Variants in SDR16C5 observed in about 807,000 individuals in gnomAD.
The protein encoded by SDR16C5 is epidermal retinol dehydrogenase 2.
Under a neutral mutation model 27.7 loss-of-function variants are expected in SDR16C5, and 20 were observed. That is an observed-to-expected ratio of 0.72 (90% confidence interval 0.51 to 1.05). SDR16C5 has a LOEUF of 1.05. Ranked by LOEUF, SDR16C5 falls within the 50% of genes least tolerant of loss-of-function variation. The pLI, the probability that SDR16C5 is intolerant of heterozygous loss-of-function variation, is 0.00. For missense variants in SDR16C5, 374 were observed against 366.3 expected (o/e 1.02, Z -0.17); for synonymous variants, 139 against 132.3 (o/e 1.05, Z -0.35).
At chr8:56,308,851 T>C (rs1814952425) in intron 4 of SDR16C5, 77 bp downstream of exon 4, 1 of 967,920 alleles carries the variant, frequency 1.0e-6, no homozygotes, top group Admixed American at 2.0e-5. Flanking sequence ...ATCAAGTCAG[T>C]GCTAATTATT....
At chr8:56,317,784 T>C (rs1362398661) in intron 1 of SDR16C5, among the ~76,000 whole-genome samples, 1 of 152,184 alleles carries the variant, frequency 6.6e-6, no homozygotes, top group Non-Finnish European at 1.5e-5. Flanking sequence ...ATGTGACTTG[T>C]TCAGGGTCCC....
chr8:56,308,577 G>C (rs1180059052), intron 4 of SDR16C5, among the ~76,000 whole-genome samples: 2 of 152,224 alleles, frequency 1.3e-5, no homozygotes, highest in Non-Finnish European at 2.9e-5. Flanking sequence ...AACTTCAGGA[G>C]AAGACAGGGT....
At chr8:56,303,856 C>T in intron 6 of SDR16C5, 1 of 656,464 alleles carries the variant, frequency 1.5e-6, no homozygotes, top group Non-Finnish European at 2.8e-6. Context: ...GAATGCACAC[C>T]CTGCCCAATA....
At position 56,306,716 on chromosome 8, in the gene SDR16C5, AG is replaced by A; in HGVS notation, c.669del (p.Phe225LeufsTer2). ...QKGIKTTIVC[P>X]FFIKTGMFEG... ...TCAAACATTCCAGTTTTTATAAAAA[AG>A]GGGCACACAATCGTGGTTTTGATCC... is the stretch of plus-strand genomic sequence containing the variant. On this transcript the variant is annotated frameshift_variant, in exon 5 of 7. Coordinates refer to ENST00000303749, the MANE Select transcript of SDR16C5 (RefSeq NM_138969.4). LOFTEE classifies it high-confidence loss of function. The A allele has an allele frequency of 6.2e-7, 1 of 1,613,652 alleles. No individual in the cohort carries two copies. Among genetic ancestry groups the A allele is most frequent in the Admixed American group, 1.7e-5 (1 of 59,946 alleles).
At chr8:56,308,757 T>A (rs955593550) in intron 4 of SDR16C5, among the ~76,000 whole-genome samples, 171 bp downstream of exon 4, 2 of 152,250 alleles carry the variant, frequency 1.3e-5, no homozygotes, top group Non-Finnish European at 1.5e-5. Flanking sequence ...TGTAAGTCTA[T>A]CTGATGGGCA....
intron 2 of SDR16C5, among the ~76,000 whole-genome samples, chr8:56,314,439 G>C (rs1434747337): frequency 1.3e-5 from 2 of 152,214 alleles, no homozygotes; most frequent in Admixed American, 1.3e-4. Flanking sequence ...AGGGAAAAGG[G>C]AAGTAATTAT....
intron 1 of SDR16C5, among the ~76,000 whole-genome samples, chr8:56,319,123 A>AG (rs1008115266): frequency 1.3e-4 from 7 of 54,112 alleles, no homozygotes; most frequent in African/African-American, 5.5e-4. Context: ...CGAACAAATT[A>AG]GAAAAAAAAA....
chr8:56,304,103 G>A (rs1205549772), intron 6 of SDR16C5: 1 of 701,962 alleles, frequency 1.4e-6, no homozygotes, highest in East Asian at 2.7e-5. Context: ...ATGATAGTAT[G>A]CAAGAATGAC....
At chr8:56,308,060 A>T (rs1468297942) in intron 4 of SDR16C5, among the ~76,000 whole-genome samples, 1 of 152,180 alleles carries the variant, frequency 6.6e-6, no homozygotes, top group Non-Finnish European at 1.5e-5. Flanking sequence ...CCTGGGTCAT[A>T]AGGAGGATAG....
chr8:56,306,877 TA>T, intron 4 of SDR16C5, 57 bp from the exon 5 acceptor site: 1 of 1,493,432 alleles, frequency 6.7e-7, no homozygotes, highest in Non-Finnish European at 9.1e-7. Flanking sequence ...GGCATTACAT[TA>T]AGGTTTACCC....
rs189875981 is a variant in SDR16C5 at position 56,308,066 on chromosome 8, G to A, written c.565+862C>T. Among the ~76,000 whole-genome samples, 56 of 152,270 alleles carry A rather than the reference G, an allele frequency of 3.7e-4. 1 individual carries two copies. The highest frequency in any genetic ancestry group is 1.3e-3 in the African/African-American group (53 of 41,556). On this transcript the variant is annotated intron_variant, in intron 4 of 6. Coordinates refer to ENST00000303749, the MANE Select transcript of SDR16C5 (RefSeq NM_138969.4). ...AAGGGAAGTCCTGGGTCATAAGGAG[G>A]ATAGACTGGTGATATTTGGGGTGAC... is the stretch of plus-strand genomic sequence containing the variant.
At chr8:56,306,605 A>G in intron 5 of SDR16C5, 71 bp downstream of exon 5, 1 of 1,381,072 alleles carries the variant, frequency 7.2e-7, no homozygotes, top group Non-Finnish European at 9.8e-7. Flanking sequence ...ACAACTTAAA[A>G]AAAAGAACAA....
chr8:56,308,705 TG>T (rs771138837), intron 4 of SDR16C5, among the ~76,000 whole-genome samples: 29 of 152,166 alleles, frequency 1.9e-4, no homozygotes, highest in Non-Finnish European at 3.8e-4. Flanking sequence ...CACAGGGTAC[TG>T]CATAAGACCT....
intron 3 of SDR16C5, among the ~76,000 whole-genome samples, chr8:56,311,269 G>A (rs1244682730): frequency 6.6e-6 from 1 of 152,086 alleles, no homozygotes; most frequent in Non-Finnish European, 1.5e-5. Flanking sequence ...CAAAAAATTA[G>A]TTGGGTGTGG....
chr8:56,308,987 T>C lies in SDR16C5; in HGVS notation c.506A>G (p.His169Arg). The part of the protein sequence containing the change: ...AFLPAMIAND[H>R]GHLVCISSSA... Reference sequence around the variant, plus strand: ...ACTTGAAATGCAAACCAAATGTCCATGGTCATTAGCAATCATAGCAGGTAG... The same window carrying C: ...ACTTGAAATGCAAACCAAATGTCCACGGTCATTAGCAATCATAGCAGGTAG... Residue 169 changes from histidine to arginine, a missense_variant, in exon 4 of 7, where the codon CAT becomes CGT. Physicochemically the swap from His to Arg is conservative, Grantham distance 29. Coordinates refer to ENST00000303749, the MANE Select transcript of SDR16C5 (RefSeq NM_138969.4). The C allele has an allele frequency of 3.1e-6, 5 of 1,612,870 alleles. No homozygotes were observed. The highest frequency in any genetic ancestry group is 2.5e-6 in the Non-Finnish European group (3 of 1,179,484).
chr8:56,305,052 G>A (rs953101081), intron 6 of SDR16C5, among the ~76,000 whole-genome samples: 2 of 152,148 alleles, frequency 1.3e-5, no homozygotes, highest in African/African-American at 4.8e-5. Context: ...GATTACAAAC[G>A]TGAGCTGCTG....
rs77777783 is a variant in SDR16C5 at position 56,307,195 on chromosome 8, A to T, written c.566-375T>A. Among the ~76,000 whole-genome samples the T allele has an allele frequency of 2.2e-3, 331 of 152,366 alleles. 1 individual carries two copies. Among genetic ancestry groups the T allele is most frequent in the African/African-American group, 7.9e-3 (328 of 41,580 alleles). On this transcript the variant is annotated intron_variant, in intron 4 of 6. Transcript: ENST00000303749. ...GGCATGAAGACATTCAAAAGAAGAA[A>T]TAAAACACTAAGTGATATAGGAATC...
intron 3 of SDR16C5, 64 bp from the exon 4 acceptor site, chr8:56,309,091 A>T (rs1348694678): frequency 1.6e-6 from 2 of 1,258,732 alleles, no homozygotes; most frequent in African/African-American, 3.0e-5. Flanking sequence ...TCAGATATTT[A>T]TATACTCATT....
intron 6 of SDR16C5, among the ~76,000 whole-genome samples, chr8:56,305,290 A>G (rs1814852504): frequency 6.6e-6 from 1 of 152,158 alleles, no homozygotes; most frequent in African/African-American, 2.4e-5. Flanking sequence ...GCGCAAGAAA[A>G]TCTCTCCTAA....
Sources: allele counts gnomAD v4.1 joint callset (sites outside exome capture counted in the v4.1 genomes callset), GRCh38; gene constraint gnomAD v4.1.1; transcripts MANE v1.5; gene names NCBI Gene and HGNC (gene_info 2026-07-23, HGNC 2026-07-21).